Variants in SOX5 observed in about 807,000 individuals in gnomAD.
SOX5 encodes the protein transcription factor SOX-5.
SOX5 carries 9 observed loss-of-function variants against 92.0 expected under a neutral mutation model. The ratio of observed to expected loss-of-function variants is 0.10; its 90% CI spans 0.06 to 0.17. SOX5 has a LOEUF of 0.17. SOX5 is among the 10% of genes least tolerant of loss of function. The probability of loss-of-function intolerance (pLI) is 1.00; values close to 1 mark genes in which losing one functional copy is unlikely to be tolerated. For missense variants in SOX5, 642 were observed against 944.5 expected (o/e 0.68, Z 4.20); for synonymous variants, 344 against 336.3 (o/e 1.02, Z -0.25).
At chr12:24,159,707 TA>T (rs759940279) in intron 4 of SOX5, among the ~76,000 whole-genome samples, 2 of 152,026 alleles carry the variant, frequency 1.3e-5, no homozygotes, top group African/African-American at 2.4e-5. Context: ...ACGTTCCAGA[TA>T]ATATTCTGGG....
chr12:24,438,788 T>C (rs1022194609), intron 1 of SOX5, among the ~76,000 whole-genome samples: 8 of 152,020 alleles, frequency 5.3e-5, no homozygotes, highest in African/African-American at 1.9e-4. Flanking sequence ...GGATGAGGAG[T>C]TGCTTCTTAT....
intron 7 of SOX5, among the ~76,000 whole-genome samples, chr12:23,644,693 C>A (rs925383091): frequency 1.3e-5 from 2 of 152,160 alleles, no homozygotes; most frequent in African/African-American, 4.8e-5. Flanking sequence ...AGAGAAGGGA[C>A]AACCAATATT....
intron 4 of SOX5, among the ~76,000 whole-genome samples, chr12:24,115,951 G>A (rs1179341366): frequency 1.3e-5 from 2 of 152,074 alleles, no homozygotes; most frequent in African/African-American, 4.8e-5. Flanking sequence ...GGATAGGGAT[G>A]CTAATATCTT....
At chr12:23,610,909 G>A (rs2075873197) in intron 8 of SOX5, among the ~76,000 whole-genome samples, 4 of 152,092 alleles carry the variant, frequency 2.6e-5, no homozygotes, top group Admixed American at 2.6e-4. Context: ...ACCAAGAGTT[G>A]AAGCATATGG....
intron 1 of SOX5, among the ~76,000 whole-genome samples, chr12:23,915,428 T>C (rs1176619449): frequency 1.3e-5 from 2 of 152,186 alleles, no homozygotes; most frequent in Non-Finnish European, 2.9e-5. Flanking sequence ...ATTTTACTTC[T>C]GAATTTAAAA....
intron 3 of SOX5, among the ~76,000 whole-genome samples, chr12:23,802,246 T>A (rs2142179915): frequency 6.6e-6 from 1 of 151,980 alleles, no homozygotes; most frequent in East Asian, 1.9e-4. Flanking sequence ...GCTAAATTTT[T>A]TTTTTGTGTA....
intron 4 of SOX5, among the ~76,000 whole-genome samples, chr12:24,136,622 A>G (rs1950132894): frequency 6.6e-6 from 1 of 152,184 alleles, no homozygotes; most frequent in South Asian, 2.1e-4. Context: ...AACTTGTAGC[A>G]GTGAGGGGGA....
intron 4 of SOX5, among the ~76,000 whole-genome samples, chr12:23,997,624 A>C (rs922043176): frequency 1.3e-5 from 2 of 152,160 alleles, no homozygotes; most frequent in African/African-American, 2.4e-5. Context: ...TACATGAAGA[A>C]AGTAAAAGAT....
chr12:24,260,232 C>T (rs542028167), intron 3 of SOX5, among the ~76,000 whole-genome samples: 1 of 152,056 alleles, frequency 6.6e-6, no homozygotes, highest in African/African-American at 2.4e-5. Flanking sequence ...GATTCGCTGA[C>T]GAGGAGCATG....
chr12:24,156,134 C>A (rs1952145644), intron 4 of SOX5, among the ~76,000 whole-genome samples: 1 of 152,100 alleles, frequency 6.6e-6, no homozygotes, highest in South Asian at 2.1e-4. Flanking sequence ...GCGGGAAGTG[C>A]CTGGGAGTCG....
intron 3 of SOX5, among the ~76,000 whole-genome samples, chr12:24,245,790 A>G (rs1938579905): frequency 6.6e-6 from 1 of 152,222 alleles, no homozygotes; most frequent in African/African-American, 2.4e-5. Flanking sequence ...TCACATAGAG[A>G]ATATAGAGCA....
At chr12:24,350,672 T>A (rs1003322376) in intron 2 of SOX5, among the ~76,000 whole-genome samples, 1 of 152,078 alleles carries the variant, frequency 6.6e-6, no homozygotes, top group African/African-American at 2.4e-5. Flanking sequence ...AGCTTTTTTA[T>A]GAGAAAAATG....
Position 23,601,249 on chromosome 12 carries a change from C to T in SOX5, c.1164+3138G>A, listed in dbSNP as rs141358235. On this transcript the variant is annotated intron_variant, in intron 9 of 14. Transcript: ENST00000451604. ...TTCGATTTCCCCCTTCCATTTTTTG[C>T]AAATTGCAAATAAGTTTTGTTTGTG... 9.0e-4 allele frequency among the ~76,000 whole-genome samples: 137 copies of T among 152,100 alleles called. 1 individual carries two copies. In the East Asian group the frequency reaches 0.015, roughly 17 times the overall value.
chr12:24,538,637 A>ACACT (rs1555340708), intron 1 of SOX5, among the ~76,000 whole-genome samples: 1 of 150,222 alleles, frequency 6.7e-6, no homozygotes, highest in Non-Finnish European at 1.5e-5. Context: ...ACACACACAC[A>ACACT]CTACACGATA....
At chr12:24,206,548 G>A (rs1267721022) in intron 4 of SOX5, among the ~76,000 whole-genome samples, 5 of 152,016 alleles carry the variant, frequency 3.3e-5, no homozygotes, top group South Asian at 2.1e-4. Context: ...TTACGCTTAC[G>A]GAACCAAAGA....
At chr12:23,617,128 G>GAAAAAAA in intron 8 of SOX5, among the ~76,000 whole-genome samples, 1 of 106,190 alleles carries the variant, frequency 9.4e-6, no homozygotes, top group Non-Finnish European at 1.9e-5. Context: ...TCTGTCTCAA[G>GAAAAAAA]AAAAAAAAAA....
intron 4 of SOX5, among the ~76,000 whole-genome samples, chr12:23,972,823 C>T (rs1027737812): frequency 2.0e-5 from 3 of 151,946 alleles, no homozygotes; most frequent in East Asian, 1.9e-4. Context: ...TTGGTGAGAA[C>T]GTTAAAAATC....
At chr12:24,364,673 G>A (rs1187942811) in intron 2 of SOX5, among the ~76,000 whole-genome samples, 3 of 151,634 alleles carry the variant, frequency 2.0e-5, no homozygotes, top group Non-Finnish European at 4.4e-5. Context: ...AACTGGAACT[G>A]AAAATCAAAG....
chr12:24,343,279 C>T (rs1565945632), intron 2 of SOX5, among the ~76,000 whole-genome samples: 1 of 151,964 alleles, frequency 6.6e-6, no homozygotes, highest in Non-Finnish European at 1.5e-5. Flanking sequence ...ATCCCCTCTA[C>T]TTTACAATCT....
Sources: allele counts gnomAD v4.1 joint callset (sites outside exome capture counted in the v4.1 genomes callset), GRCh38; gene constraint gnomAD v4.1.1; transcripts MANE v1.5; gene names NCBI Gene and HGNC (gene_info 2026-07-23, HGNC 2026-07-21).